IGF1R: variants seen among roughly 807,000 people sequenced by gnomAD.
The protein encoded by IGF1R is insulin like growth factor 1 receptor.
IGF1R carries 44 observed loss-of-function variants against 144.6 expected under a neutral mutation model. The observed-to-expected ratio is 0.30, with a 90% CI of 0.24 to 0.39. The LOEUF (loss-of-function observed/expected upper bound fraction) is 0.39, where lower values mean the gene tolerates loss of function less well. IGF1R is among the 10% of genes least tolerant of loss of function. The pLI is 1.00. For missense variants in IGF1R, 1,355 were observed against 1,833.7 expected, an observed-to-expected ratio of 0.74 and a Z score of 4.77; for synonymous variants, 795 against 722.8, an observed-to-expected ratio of 1.10 and a Z score of -1.60.
intron 2 of IGF1R, among the ~76,000 whole-genome samples, chr15:98,754,053 A>G (rs2055088071): frequency 6.6e-6 from 1 of 152,168 alleles, no homozygotes; most frequent in African/African-American, 2.4e-5. Flanking sequence ...TTAAATGTAT[A>G]TTTAACGCAC....
intron 17 of IGF1R, among the ~76,000 whole-genome samples, chr15:98,938,061 G>T (rs1596471740): frequency 6.6e-6 from 1 of 152,222 alleles, no homozygotes; most frequent in African/African-American, 2.4e-5. Flanking sequence ...CCGAGGAGTT[G>T]TTATAATGAT....
At chr15:98,745,414 G>A (rs1008327098) in intron 2 of IGF1R, among the ~76,000 whole-genome samples, 2 of 152,240 alleles carry the variant, frequency 1.3e-5, no homozygotes, top group South Asian at 2.1e-4. Flanking sequence ...GCTGGGTGGT[G>A]CAGAGACAGA....
At chr15:98,807,990 A>G (rs1384565453) in intron 2 of IGF1R, among the ~76,000 whole-genome samples, 1 of 152,236 alleles carries the variant, frequency 6.6e-6, no homozygotes, top group Non-Finnish European at 1.5e-5. Flanking sequence ...AACAGTTCCA[A>G]TGAACATGAT....
intron 2 of IGF1R, 70 bp downstream of exon 2, chr15:98,708,177 C>T (rs1314780624): frequency 1.5e-6 from 2 of 1,339,984 alleles, no homozygotes; most frequent in African/African-American, 2.9e-5. Flanking sequence ...GACCTCCCTT[C>T]TCTTCTGAGT....
chr15:98,765,821 G>A (rs374464050), intron 2 of IGF1R, among the ~76,000 whole-genome samples: 7 of 152,218 alleles, frequency 4.6e-5, no homozygotes, highest in Admixed American at 4.6e-4. Context: ...CAGCCAGTGT[G>A]CACCTGGAGT....
At position 98,708,578 on chromosome 15, in the gene IGF1R, TTAAA is replaced by T. The variant is rs2053921639; in HGVS notation, c.640+476_640+479del. ...TAGTTTGAATGGACTTGGAATATGG[TTAAA>T]TAAAGGGAAGGTAAAGCACTAACTC... On this transcript the variant is annotated intron_variant, in intron 2 of 20. Transcript: ENST00000650285. 5.9e-5 allele frequency among the ~76,000 whole-genome samples: 9 copies of T among 152,162 alleles called. 2 individuals carry two copies. In the South Asian group the frequency reaches 1.9e-3, roughly 32 times the overall value.
At chr15:98,951,056 C>T (rs541343899) in intron 20 of IGF1R, among the ~76,000 whole-genome samples, 1 of 152,184 alleles carries the variant, frequency 6.6e-6, no homozygotes, top group African/African-American at 2.4e-5. Flanking sequence ...CTGCTGCTTC[C>T]GAACATAGGT....
At chr15:98,678,946 C>G (rs1407487546) in intron 1 of IGF1R, among the ~76,000 whole-genome samples, 1 of 124,186 alleles carries the variant, frequency 8.1e-6, no homozygotes, top group Non-Finnish European at 1.6e-5. Flanking sequence ...TTTTTTGAAA[C>G]AGGATCTCGC....
chr15:98,737,518 C>T (rs895405608), intron 2 of IGF1R, among the ~76,000 whole-genome samples: 12 of 152,152 alleles, frequency 7.9e-5, no homozygotes, highest in African/African-American at 2.9e-4. Flanking sequence ...TCACAGAACT[C>T]CCAAGTTTGA....
intron 1 of IGF1R, among the ~76,000 whole-genome samples, chr15:98,689,453 C>A (rs201942057): frequency 8.0e-3 from 11 of 1,376 alleles, no homozygotes; most frequent in African/African-American, 0.012. Context: ...TATTCAAATT[C>A]TGACCTCAAG....
At chr15:98,715,651 G>C (rs910149786) in intron 2 of IGF1R, among the ~76,000 whole-genome samples, 1 of 152,174 alleles carries the variant, frequency 6.6e-6, no homozygotes, top group Non-Finnish European at 1.5e-5. Flanking sequence ...CTCAACTTGC[G>C]TGTATAGGGT....
At chr15:98,770,165 C>G (rs547999674) in intron 2 of IGF1R, among the ~76,000 whole-genome samples, 6 of 152,276 alleles carry the variant, frequency 3.9e-5, no homozygotes, top group Admixed American at 6.5e-5. Context: ...CCATGTCACT[C>G]TGACTTCCAG....
intron 2 of IGF1R, among the ~76,000 whole-genome samples, chr15:98,869,324 A>C (rs2715443): frequency 0.2 from 30,924 of 151,672 alleles, 3,993 homozygotes; most frequent in East Asian, 0.41. Context: ...ACAAAAAAAA[A>C]CACCACATAC....
intron 2 of IGF1R, among the ~76,000 whole-genome samples, chr15:98,718,294 A>T (rs1464565205): frequency 6.6e-6 from 1 of 152,052 alleles, no homozygotes; most frequent in Non-Finnish European, 1.5e-5. Context: ...TCCATGTGGG[A>T]TGGGAACAGA....
chr15:98,923,789 TG>T (rs111457317), intron 11 of IGF1R, 86 bp from the exon 12 acceptor site: 23 of 1,038,812 alleles, frequency 2.2e-5, no homozygotes, highest in East Asian at 1.2e-4. Context: ...CCCGTGTGGA[TG>T]GGGGGGTTAT....
chr15:98,899,822 A>G (rs2014388806), intron 5 of IGF1R, among the ~76,000 whole-genome samples: 1 of 152,172 alleles, frequency 6.6e-6, no homozygotes, highest in Non-Finnish European at 1.5e-5. Context: ...TTTGGAAAAC[A>G]GAGATGTTAT....
At chr15:98,915,701 C>T (rs752808681) in intron 8 of IGF1R, among the ~76,000 whole-genome samples, 1 of 152,212 alleles carries the variant, frequency 6.6e-6, no homozygotes, top group Non-Finnish European at 1.5e-5. Flanking sequence ...TGCTTGTGCC[C>T]CCGCAGCCTT....
At chr15:98,768,930 A>AAAC (rs56709467) in intron 2 of IGF1R, among the ~76,000 whole-genome samples, 424 of 16,480 alleles carry the variant, frequency 0.026, 1 homozygote, top group African/African-American at 0.027. Flanking sequence ...TCCGTCTCAA[A>AAAC]AACAACAACA....
At chr15:98,665,511 T>C (rs1238606183) in intron 1 of IGF1R, among the ~76,000 whole-genome samples, 3 of 152,020 alleles carry the variant, frequency 2.0e-5, no homozygotes, top group African/African-American at 7.3e-5. Context: ...GGGGAGGTAA[T>C]TGGGGGTCAT....
Sources: allele counts gnomAD v4.1 joint callset (sites outside exome capture counted in the v4.1 genomes callset), GRCh38; gene constraint gnomAD v4.1.1; transcripts MANE v1.5; gene names NCBI Gene and HGNC (gene_info 2026-07-23, HGNC 2026-07-21).